Variants in PARG observed in about 807,000 individuals in gnomAD.
The protein encoded by PARG is poly(ADP-ribose) glycohydrolase.
A neutral mutation model predicts 113.0 loss-of-function variants in PARG; 35 were observed. The observed-to-expected ratio is 0.31, with a 90% confidence interval of 0.24 to 0.41. PARG has a LOEUF of 0.41. Ranked by LOEUF, PARG falls within the 10% of genes least tolerant of loss-of-function variation. The probability of loss-of-function intolerance (pLI) is 1.00; values close to 1 mark genes in which losing one functional copy is unlikely to be tolerated. For missense variants in PARG, 797 were observed against 1,169.4 expected (o/e 0.68, Z 4.64); for synonymous variants, 330 against 409.9 (o/e 0.81, Z 2.36).
chr10:49,922,968 A>G (rs1453259325), intron 4 of PARG, among the ~76,000 whole-genome samples: 3 of 152,176 alleles, frequency 2.0e-5, no homozygotes, highest in Non-Finnish European at 4.4e-5. Flanking sequence ...TCTAGCCCCC[A>G]TAAAACCCTT....
Position 49,933,181 on chromosome 10 carries a change from T to C in PARG, c.1267A>G (p.Arg423Gly). 2 of 1,570,926 alleles carry C rather than the reference T, an allele frequency of 1.3e-6. No homozygotes were observed. Among genetic ancestry groups the C allele is most frequent in the Admixed American group, 3.6e-5 (2 of 54,876 alleles). Reference sequence around the variant, plus strand: ...ATACTGCTGAGAGAAAATTACCTTCTGTCCTCTGCTTTGGGCAGTCTCATG... The same window carrying C: ...ATACTGCTGAGAGAAAATTACCTTCCGTCCTCTGCTTTGGGCAGTCTCATG... ...HFMRLPKAEDRRKEQWETKHQ... is the reference protein window; with the variant it reads ...HFMRLPKAEDGRKEQWETKHQ... The change falls in exon 3 of 18, where the codon AGA becomes GGA. Residue 423 changes from arginine to glycine, a missense_variant. Arg to Gly is a moderately radical substitution (Grantham distance 125). Around this residue, in one of 5 missense-constraint regions of PARG, gnomAD observed 252 missense variants for 437.4 expected, o/e 0.58. Coordinates refer to ENST00000616448, the MANE Select transcript of PARG (RefSeq NM_003631.5).
intron 4 of PARG, among the ~76,000 whole-genome samples, chr10:49,927,605 A>G (rs1366976677): frequency 6.6e-6 from 1 of 152,152 alleles, no homozygotes; most frequent in Admixed American, 6.5e-5. Context: ...GGAGGAAGAA[A>G]GAAATTTAGG....
intron 9 of PARG, among the ~76,000 whole-genome samples, chr10:49,879,272 A>G (rs1588932964): frequency 6.6e-6 from 1 of 151,960 alleles, no homozygotes; most frequent in African/African-American, 2.4e-5. Flanking sequence ...TGTAGAAAGG[A>G]GGACTTTTCC....
chr10:49,823,351 T>C (rs770372592), intron 16 of PARG, among the ~76,000 whole-genome samples: 3 of 152,130 alleles, frequency 2.0e-5, no homozygotes, highest in Non-Finnish European at 4.4e-5. Context: ...CCAGTAAAAT[T>C]TGATATCGTT....
chr10:49,927,349 G>A (rs1267063398), intron 4 of PARG, among the ~76,000 whole-genome samples: 37 of 109,440 alleles, frequency 3.4e-4, no homozygotes, highest in African/African-American at 3.3e-4. Context: ...AAGGAAGGAA[G>A]GAAAGAAAGA....
chr10:49,881,104 T>C (rs574879001), intron 8 of PARG, among the ~76,000 whole-genome samples: 17 of 152,310 alleles, frequency 1.1e-4, no homozygotes, highest in African/African-American at 3.1e-4. Context: ...AACCCAGATA[T>C]TCCTTTCTGT....
intron 8 of PARG, among the ~76,000 whole-genome samples, chr10:49,883,134 A>G (rs1216234088): frequency 6.6e-6 from 1 of 152,242 alleles, no homozygotes; most frequent in Non-Finnish European, 1.5e-5. Flanking sequence ...ATCACACTGG[A>G]AAACATTTCA....
chr10:49,884,498 T>C (rs565903402), intron 8 of PARG, among the ~76,000 whole-genome samples: 3 of 152,232 alleles, frequency 2.0e-5, no homozygotes, highest in Non-Finnish European at 2.9e-5. Flanking sequence ...ACTTGGGAAG[T>C]TGAGGCACAA....
Position 49,840,419 on chromosome 10 carries a change from A to C in PARG, c.2541+1531T>G, listed in dbSNP as rs567103791. On this transcript the variant is annotated intron_variant, in intron 15 of 17. Transcript: ENST00000616448. ...AAAAAAAAAACAAAAAACACAACAAAAAAAAAAATCTTCAGTACAGGCAAA... is the reference window on the plus strand; with the variant it reads ...AAAAAAAAAACAAAAAACACAACAACAAAAAAAATCTTCAGTACAGGCAAA... Among the ~76,000 whole-genome samples, 253 of 152,034 alleles carry C rather than the reference A, an allele frequency of 1.7e-3. 3 individuals are homozygous for C. The South Asian group carries it at 0.03, about 18-fold the overall frequency.
At chr10:49,853,062 C>G (rs1845829876) in intron 13 of PARG, among the ~76,000 whole-genome samples, 1 of 135,686 alleles carries the variant, frequency 7.4e-6, no homozygotes, top group Admixed American at 7.9e-5. Context: ...TTGAGACAGT[C>G]TCGCTCTGTT....
At chr10:49,881,013 C>A (rs56944132) in intron 8 of PARG, among the ~76,000 whole-genome samples, 1,976 of 152,216 alleles carry the variant, frequency 0.013, 37 homozygotes, top group African/African-American at 0.044. Context: ...GGCGTGGTAC[C>A]TTTTTAGATC....
At chr10:49,923,053 C>T (rs116931261) in intron 4 of PARG, among the ~76,000 whole-genome samples, 692 of 152,290 alleles carry the variant, frequency 4.5e-3, no homozygotes, top group East Asian at 0.018. Flanking sequence ...TTTTCATATA[C>T]GTTCTTATCA....
intron 15 of PARG, among the ~76,000 whole-genome samples, chr10:49,836,473 T>C (rs140380884): frequency 3.0e-4 from 45 of 152,192 alleles, no homozygotes; most frequent in African/African-American, 9.2e-4. Flanking sequence ...CATTAATACA[T>C]TGTTTTTGCT....
intron 13 of PARG, among the ~76,000 whole-genome samples, chr10:49,854,883 C>T (rs571643753): frequency 4.3e-4 from 65 of 151,728 alleles, no homozygotes; most frequent in Middle Eastern, 3.4e-3. Flanking sequence ...TGATGAAAAG[C>T]GAAAATCTGA....
intron 13 of PARG, among the ~76,000 whole-genome samples, chr10:49,856,542 C>T (rs1485952686): frequency 6.6e-6 from 1 of 152,250 alleles, no homozygotes; most frequent in Admixed American, 6.5e-5. Flanking sequence ...ACTGATTTCT[C>T]TAAATACTGT....
At chr10:49,905,124 A>G (rs868966343) in intron 7 of PARG, among the ~76,000 whole-genome samples, 388 of 152,392 alleles carry the variant, frequency 2.5e-3, no homozygotes, top group African/African-American at 8.7e-3. Flanking sequence ...TTCCTTTGAG[A>G]TAACAAGAAA....
rs1205526269 is a variant in PARG at position 49,820,202 on chromosome 10, G to A, written c.2739C>T (p.Ser913=). 1.9e-6 allele frequency: 3 copies of A among 1,545,812 alleles called. No homozygotes were observed. The highest frequency in any genetic ancestry group is 2.7e-5 in the African/African-American group (2 of 72,882). The change falls in exon 17 of 18, where the codon AGC becomes AGT. Residue 913 remains serine (S), a synonymous_variant. Coordinates refer to ENST00000616448, the MANE Select transcript of PARG (RefSeq NM_003631.5). ...TCCTTTCAGTAAGGAAAATGTGCAT[G>A]CTGTAAATGTCTCTCATCAATTCTG... ...GDSELMRDIY[S]MHIFLTERKL... is the part of the protein sequence containing the mutation.
intron 1 of PARG, among the ~76,000 whole-genome samples, chr10:49,937,185 C>A (rs1307692727): frequency 6.6e-6 from 1 of 152,092 alleles, no homozygotes; most frequent in African/African-American, 2.4e-5. Context: ...TTTAGAAAAT[C>A]CTCAAATTGG....
intron 13 of PARG, among the ~76,000 whole-genome samples, chr10:49,853,191 G>A (rs1845837161): frequency 6.6e-6 from 1 of 151,386 alleles, no homozygotes; most frequent in South Asian, 2.1e-4. Context: ...CTGCCACCAG[G>A]CCCAGCTAAT....
Sources: allele counts gnomAD v4.1 joint callset (sites outside exome capture counted in the v4.1 genomes callset), GRCh38; gene constraint gnomAD v4.1.1; regional missense constraint gnomAD v4.1.1; transcripts MANE v1.5; gene names NCBI Gene and HGNC (gene_info 2026-07-23, HGNC 2026-07-21).